P3H2: variants seen among roughly 807,000 people sequenced by gnomAD.
P3H2 encodes prolyl 3-hydroxylase 2, also known as leprecan-like 1.
In P3H2, 80 loss-of-function variants were observed where a neutral mutation model predicts 87.0. The observed-to-expected ratio is 0.92, with a 90% CI of 0.77 to 1.11. P3H2 has a LOEUF of 1.11. Ranked by LOEUF, P3H2 falls within the 50% of genes least tolerant of loss-of-function variation. P3H2 has a pLI of 0.00. For missense variants in P3H2, 1,001 were observed against 923.9 expected, an observed-to-expected ratio of 1.08 and a Z score of -1.08; for synonymous variants, 367 against 359.3, an observed-to-expected ratio of 1.02 and a Z score of -0.24.
intron 1 of P3H2, among the ~76,000 whole-genome samples, chr3:190,014,357 A>AT (rs1375957736): frequency 6.6e-6 from 1 of 152,262 alleles, no homozygotes; most frequent in Non-Finnish European, 1.5e-5. Context: ...CGTGAGAAGC[A>AT]TATCATTTAG....
rs564781400 is a variant in P3H2, at chr3:190,025,505, G to C, written c.481-30063C>G. Reference sequence around the variant, plus strand: ...CCTCTCTGTGCCTCATTTTCCCCAAGTATAAAGAAGACATAATAATAGTAT... The same window carrying C: ...CCTCTCTGTGCCTCATTTTCCCCAACTATAAAGAAGACATAATAATAGTAT... On this transcript the variant is annotated intron_variant, in intron 1 of 14. Coordinates refer to ENST00000319332, the MANE Select transcript of P3H2 (RefSeq NM_018192.4). 1.8e-4 allele frequency among the ~76,000 whole-genome samples: 27 copies of C among 152,138 alleles called. No homozygotes were observed. The South Asian group carries it at 5.4e-3, about 30-fold the overall frequency.
chr3:190,036,392 G>C (rs1360143933), intron 1 of P3H2, among the ~76,000 whole-genome samples: 2 of 152,126 alleles, frequency 1.3e-5, no homozygotes, highest in African/African-American at 2.4e-5. Flanking sequence ...GTCCAAGGGA[G>C]TGATCAAATT....
At chr3:190,091,440 T>C (rs893061185) in intron 1 of P3H2, among the ~76,000 whole-genome samples, 2 of 152,252 alleles carry the variant, frequency 1.3e-5, no homozygotes, top group Non-Finnish European at 2.9e-5. Flanking sequence ...TGAAATGATA[T>C]AATAGGATGC....
At chr3:190,076,526 C>T (rs1488648929) in intron 1 of P3H2, among the ~76,000 whole-genome samples, 1 of 152,146 alleles carries the variant, frequency 6.6e-6, no homozygotes, top group Non-Finnish European at 1.5e-5. Flanking sequence ...ATCCACCTCC[C>T]TAGGTCTATC....
chr3:190,104,365 CT>C (rs1310109488), intron 1 of P3H2, among the ~76,000 whole-genome samples: 1 of 152,180 alleles, frequency 6.6e-6, no homozygotes, highest in Non-Finnish European at 1.5e-5. Context: ...CTCCCCTCCA[CT>C]CCAGTGATGG....
chr3:190,014,869 T>A (rs899031157), intron 1 of P3H2, among the ~76,000 whole-genome samples: 7 of 152,196 alleles, frequency 4.6e-5, no homozygotes, highest in Non-Finnish European at 1.0e-4. Context: ...TAAGAGGGAA[T>A]GTGTAAGACC....
At chr3:190,103,265 G>A (rs1711701379) in intron 1 of P3H2, among the ~76,000 whole-genome samples, 1 of 152,158 alleles carries the variant, frequency 6.6e-6, no homozygotes, top group African/African-American at 2.4e-5. Flanking sequence ...ACAAGCATGA[G>A]TTTCCATCAC....
At chr3:189,983,888 A>T (rs909976436) in intron 7 of P3H2, among the ~76,000 whole-genome samples, 1 of 148,020 alleles carries the variant, frequency 6.8e-6, no homozygotes, top group Admixed American at 6.9e-5. Flanking sequence ...TCCTTTAAAA[A>T]GATGTAAATT....
chr3:189,964,139 C>T, intron 13 of P3H2, 41 bp from the exon 14 acceptor site: 1 of 1,586,646 alleles, frequency 6.3e-7, no homozygotes, highest in East Asian at 2.2e-5. Context: ...ATTGTTGTAT[C>T]ATAAACATTT....
In P3H2 at chr3:189,995,554, T is replaced by TG. The variant is rs1553874170; in HGVS notation, c.481-113dup. On this transcript the variant is annotated intron_variant, in intron 1 of 14. Coordinates refer to ENST00000319332, the MANE Select transcript of P3H2 (RefSeq NM_018192.4). Reference sequence around the variant, plus strand: ...AGTTTAAGAATGAAACTAGGAGCCTTGGTTTTTTTTTTTTTTATCAGACAG... The same window carrying TG: ...AGTTTAAGAATGAAACTAGGAGCCTTGGGTTTTTTTTTTTTTTATCAGACAG... The TG allele has an allele frequency of 7.3e-3, 6,534 of 893,994 alleles. 122 individuals carry two copies. Among genetic ancestry groups the TG allele is most frequent in the South Asian group, 0.027 (1,595 of 59,516 alleles). The allele number at this position is 893,994 out of a possible 1,614,324, so 55.4% of individuals were successfully genotyped here. A position where few individuals can be genotyped will look rare whatever the true frequency, so the allele number is the denominator to read the frequency against.
chr3:190,002,462 A>G (rs927225611), intron 1 of P3H2, among the ~76,000 whole-genome samples: 4 of 148,716 alleles, frequency 2.7e-5, no homozygotes, highest in Admixed American at 6.8e-5. Flanking sequence ...GTGCAATGGC[A>G]TGGTCTCAGC....
intron 11 of P3H2, 53 bp downstream of exon 11, chr3:189,972,821 C>T: frequency 1.9e-6 from 3 of 1,597,680 alleles, no homozygotes; most frequent in Non-Finnish European, 2.6e-6. Context: ...TGCCTTGTTT[C>T]ATTTCCCAAT....
chr3:189,987,644 C>A lies in P3H2; in HGVS notation c.981G>T (p.Glu327Asp). ...GGCATAGAAGATAGGCTTTGGCACA[C>A]TCCAGGGCTTTCACATACTCACCAA... is the stretch of plus-strand genomic sequence containing the variant. ...YRVGEYVKAL[E>D]CAKAYLLCHP... is the part of the protein sequence containing the mutation. The change falls in exon 5 of 15, where the codon GAG becomes GAT. Residue 327 changes from glutamate to aspartate, a missense_variant. Transcript: ENST00000319332. The A allele has an allele frequency of 6.2e-7, 1 of 1,614,176 alleles. No homozygotes were observed. Among genetic ancestry groups the A allele is most frequent in the Non-Finnish European group, 8.5e-7 (1 of 1,180,032 alleles).
At chr3:190,063,088 C>T (rs1354344455) in intron 1 of P3H2, among the ~76,000 whole-genome samples, 1 of 152,086 alleles carries the variant, frequency 6.6e-6, no homozygotes, top group African/African-American at 2.4e-5. Context: ...CCACATTCCC[C>T]AACAAATGGC....
At chr3:189,984,520 A>G (rs1489255827) in intron 7 of P3H2, 30 bp downstream of exon 7, 1 of 1,572,900 alleles carries the variant, frequency 6.4e-7, no homozygotes, top group Admixed American at 1.7e-5. Context: ...CTCCTCATAA[A>G]AAACCAGTTT....
At chr3:190,047,517 C>G (rs1725843730) in intron 1 of P3H2, among the ~76,000 whole-genome samples, 1 of 152,108 alleles carries the variant, frequency 6.6e-6, no homozygotes, top group South Asian at 2.1e-4. Context: ...GTACAGATAT[C>G]TAAACATAAG....
chr3:189,964,805 G>A (rs575120783), intron 13 of P3H2, among the ~76,000 whole-genome samples: 2 of 152,354 alleles, frequency 1.3e-5, no homozygotes, highest in African/African-American at 4.8e-5. Context: ...CTTATGCACT[G>A]CTCAGGTGGA....
At chr3:190,102,370 T>C (rs1459700950) in intron 1 of P3H2, among the ~76,000 whole-genome samples, 1 of 152,198 alleles carries the variant, frequency 6.6e-6, no homozygotes, top group African/African-American at 2.4e-5. Flanking sequence ...TTAATAGCAT[T>C]CGTGATTCAT....
intron 8 of P3H2, among the ~76,000 whole-genome samples, chr3:189,976,064 T>G (rs1723338758): frequency 7.3e-6 from 1 of 136,702 alleles, no homozygotes; most frequent in African/African-American, 2.6e-5. Context: ...AATGGAATGG[T>G]TAACGTTATT....
Sources: gnomAD v4.1 joint callset for allele counts (sites outside exome capture counted in the v4.1 genomes callset) on GRCh38, gnomAD v4.1.1 for gene constraint, MANE v1.5 for transcripts, NCBI Gene and HGNC (gene_info 2026-07-23, HGNC 2026-07-21) for gene names.